Variants in SAR1A observed in about 807,000 individuals in gnomAD.
The protein encoded by SAR1A is small COPII coat GTPase SAR1A.
In SAR1A, 6 loss-of-function variants were observed where a neutral mutation model predicts 22.6. The observed-to-expected ratio is 0.27, with a 90% CI of 0.15 to 0.52. The LOEUF (loss-of-function observed/expected upper bound fraction) is 0.52, where lower values mean the gene tolerates loss of function less well. Ranked by LOEUF, SAR1A falls within the 20% of genes least tolerant of loss-of-function variation. The pLI is 0.96. For synonymous variants in SAR1A, 70 were observed against 82.2 expected (o/e 0.85, Z 0.80); for missense variants, 145 against 245.1 (o/e 0.59, Z 2.73).
intron 5 of SAR1A, chr10:70,155,021 T>A: frequency 2.0e-6 from 1 of 491,264 alleles, no homozygotes; most frequent in South Asian, 1.5e-5. Flanking sequence ...CAGTACTGCA[T>A]GGCTGGATTC....
intron 4 of SAR1A, among the ~76,000 whole-genome samples, chr10:70,158,305 C>T (rs922633971): frequency 3.9e-5 from 6 of 152,184 alleles, no homozygotes; most frequent in African/African-American, 7.2e-5. Flanking sequence ...TGAGTTAAAA[C>T]ATCAGGATAC....
chr10:70,152,967 T>C (rs1416966515), intron 6 of SAR1A, among the ~76,000 whole-genome samples: 28 of 152,216 alleles, frequency 1.8e-4, no homozygotes, highest in South Asian at 2.1e-4. Flanking sequence ...AACAAAAGCA[T>C]GCAGAAATAA....
chr10:70,161,040 T>A lies in SAR1A; in HGVS notation c.208A>T (p.Thr70Ser), dbSNP rs200601088. Reference protein sequence around the residue: ...TSEELTIAGMTFTTFDLGGHE... With the variant: ...TSEELTIAGMSFTTFDLGGHE... ...CCACCAAGATCAAAAGTTGTAAAGGTCATTCCAGCAATTGTTAGCTCTTCT... is the reference window on the plus strand; with the variant it reads ...CCACCAAGATCAAAAGTTGTAAAGGACATTCCAGCAATTGTTAGCTCTTCT... Residue 70 changes from threonine (T) to serine (S), a missense_variant, in exon 4 of 7, where the codon ACC becomes TCC. Coordinates refer to ENST00000373241, the MANE Select transcript of SAR1A (RefSeq NM_020150.5). 12 of 1,611,486 alleles carry A rather than the reference T, an allele frequency of 7.4e-6. No individual in the cohort carries two copies. The highest frequency in any genetic ancestry group is 1.6e-4 in the Middle Eastern group (1 of 6,078).
At chr10:70,166,507 A>G (rs529882720) in intron 1 of SAR1A, among the ~76,000 whole-genome samples, 1 of 152,336 alleles carries the variant, frequency 6.6e-6, no homozygotes, top group South Asian at 2.1e-4. Context: ...GGCCAGCACC[A>G]CTTGCCCTGC....
In SAR1A at chr10:70,168,361, G is replaced by A. The variant is rs572042461; in HGVS notation, c.-17+2052C>T. 2.6e-3 allele frequency among the ~76,000 whole-genome samples: 400 copies of A among 152,316 alleles called. 4 individuals are homozygous for A. The highest frequency in any genetic ancestry group is 9.3e-3 in the African/African-American group (387 of 41,560). Reference sequence around the variant, plus strand: ...TGTAATCCCAGCACTTTGGGAGGCCGAGGCAAGTGGATGACCTGAGGTCAG... The same window carrying A: ...TGTAATCCCAGCACTTTGGGAGGCCAAGGCAAGTGGATGACCTGAGGTCAG... On this transcript the variant is annotated intron_variant, in intron 1 of 6. Coordinates refer to ENST00000373241, the MANE Select transcript of SAR1A (RefSeq NM_020150.5).
intron 5 of SAR1A, 145 bp from the exon 6 acceptor site, chr10:70,154,114 G>A: frequency 3.5e-6 from 2 of 572,436 alleles, no homozygotes; most frequent in South Asian, 5.3e-5. Flanking sequence ...TTATACCTGA[G>A]TGATTAAAGA....
intron 6 of SAR1A, 96 bp downstream of exon 6, chr10:70,153,742 A>T: frequency 2.0e-6 from 2 of 1,013,010 alleles, no homozygotes; most frequent in Non-Finnish European, 2.8e-6. Context: ...AAGCCTGTTT[A>T]AGCCTTTAAA....
At position 70,151,514 on chromosome 10, in the gene SAR1A, G is replaced by A. The variant is rs1839327023; in HGVS notation, c.*962C>T. 6.6e-6 allele frequency: 1 copy of A among 152,374 alleles called. No individual in the cohort carries two copies. Among genetic ancestry groups the A allele is most frequent in the Non-Finnish European group, 1.5e-5 (1 of 68,010 alleles). 9.4% of individuals were successfully genotyped at this position (152,374 alleles called of 1,614,324 possible). On this transcript the variant is annotated 3_prime_UTR_variant, in exon 7 of 7. Transcript: ENST00000373241. The stretch of plus-strand genomic sequence containing the variant: ...GCCCTTAAGCTGTTAACTTTGTCCT[G>A]TCTTCCTATTCAGAAAAATGTCCCC...
intron 1 of SAR1A, among the ~76,000 whole-genome samples, chr10:70,169,222 G>A (rs1025468337): frequency 6.6e-6 from 1 of 151,384 alleles, no homozygotes; most frequent in African/African-American, 2.4e-5. Flanking sequence ...AGCTCTTCCT[G>A]TTAACAGTAC....
chr10:70,154,374 T>C (rs1308466825), intron 5 of SAR1A, among the ~76,000 whole-genome samples: 3 of 152,228 alleles, frequency 2.0e-5, no homozygotes, highest in Non-Finnish European at 4.4e-5. Context: ...CAAGTCCCAT[T>C]GTGTGCGAAG....
At chr10:70,169,886 G>T (rs555258178) in intron 1 of SAR1A, among the ~76,000 whole-genome samples, 19 of 152,314 alleles carry the variant, frequency 1.2e-4, no homozygotes, top group African/African-American at 4.6e-4. Context: ...GAAGGGAGAA[G>T]GAGAAAATAC....
At chr10:70,154,245 T>C (rs2136709655) in intron 5 of SAR1A, among the ~76,000 whole-genome samples, 1 of 152,344 alleles carries the variant, frequency 6.6e-6, no homozygotes, top group South Asian at 2.1e-4. Context: ...TATTAACTTT[T>C]GAGCTAATCT....
At chr10:70,165,644 G>T (rs78686532) in intron 1 of SAR1A, among the ~76,000 whole-genome samples, 5,491 of 152,218 alleles carry the variant, frequency 0.036, 123 homozygotes, top group East Asian at 0.058. Context: ...AAAAAAAGTG[G>T]TTTTTTTGAG....
At position 70,148,005 on chromosome 10, in the gene SAR1A, A is replaced by G. The variant is rs1839279314; in HGVS notation, c.*4471T>C. 1 of 152,264 alleles carries G rather than the reference A, an allele frequency of 6.6e-6. No homozygotes were observed. The highest frequency in any genetic ancestry group is 1.5e-5 in the Non-Finnish European group (1 of 68,110). The allele number at this position is 152,264 out of a possible 1,614,324, so 9.4% of individuals were successfully genotyped here. A position where few individuals can be genotyped will look rare whatever the true frequency, so the allele number is the denominator to read the frequency against. On this transcript the variant is annotated 3_prime_UTR_variant, in exon 7 of 7. Transcript: ENST00000373241. ...GCTATTCTCCTGCCTCAGCCTCCCC[A>G]GTCGCTGGGACTACAGGCGCCTGCC...
At chr10:70,163,935 G>T in intron 1 of SAR1A, 2 of 1,559,958 alleles carry the variant, frequency 1.3e-6, no homozygotes, top group Admixed American at 1.7e-5. Context: ...CAGTGAAGAA[G>T]AAATTAGAGA....
rs1839279023 is a variant in SAR1A at position 70,147,991 on chromosome 10, G to A, written c.*4485C>T. On this transcript the variant is annotated 3_prime_UTR_variant, in exon 7 of 7. Coordinates refer to ENST00000373241, the MANE Select transcript of SAR1A (RefSeq NM_020150.5). The stretch of plus-strand genomic sequence containing the variant: ...CCTCCTGGGTTCACGCTATTCTCCT[G>A]CCTCAGCCTCCCCAGTCGCTGGGAC... 1 of 152,274 alleles carries A rather than the reference G, an allele frequency of 6.6e-6. No homozygotes were observed. Among genetic ancestry groups the A allele is most frequent in the Non-Finnish European group, 1.5e-5 (1 of 68,080 alleles). The allele number at this position is 152,274 out of a possible 1,614,324, so 9.4% of individuals were successfully genotyped here.
chr10:70,162,421 G>GGGAAAGGGAAA (rs1554827414), intron 1 of SAR1A, among the ~76,000 whole-genome samples: 13 of 115,582 alleles, frequency 1.1e-4, no homozygotes, highest in East Asian at 3.1e-4. Context: ...GAAAGGGAAA[G>GGGAAAGGGAAA]GGAAAGGAAA....
At chr10:70,168,060 A>G (rs1297914927) in intron 1 of SAR1A, among the ~76,000 whole-genome samples, 1 of 152,208 alleles carries the variant, frequency 6.6e-6, no homozygotes, top group African/African-American at 2.4e-5. Context: ...TACTGCCTGG[A>G]GAAGCACAGC....
chr10:70,169,267 G>GA (rs777915855), intron 1 of SAR1A, among the ~76,000 whole-genome samples: 2,736 of 139,426 alleles, frequency 0.02, 26 homozygotes, highest in Non-Finnish European at 0.028. Flanking sequence ...AATTGCTGGG[G>GA]AAAAAAAAAA....
Sources: gnomAD v4.1 joint callset for allele counts (sites outside exome capture counted in the v4.1 genomes callset) on GRCh38, gnomAD v4.1.1 for gene constraint, MANE v1.5 for transcripts, NCBI Gene and HGNC (gene_info 2026-07-23, HGNC 2026-07-21) for gene names.